ALMS1: variants seen among roughly 807,000 people sequenced by gnomAD.
ALMS1 encodes the protein centrosome-associated protein ALMS1.
ALMS1 carries 271 observed loss-of-function variants against 352.2 expected under a neutral mutation model. The observed-to-expected ratio is 0.77, with a 90% CI of 0.70 to 0.85. The LOEUF is 0.85. Ranked by LOEUF, ALMS1 falls within the 40% of genes least tolerant of loss-of-function variation. The pLI is 0.00. For synonymous variants in ALMS1, 1,865 were observed against 1,761.2 expected (o/e 1.06, Z -1.48); for missense variants, 5,445 against 4,870.7 (o/e 1.12, Z -3.51).
chr2:73,471,224 CTT>C (rs60728783), intron 9 of ALMS1, among the ~76,000 whole-genome samples: 7 of 141,972 alleles, frequency 4.9e-5, no homozygotes, highest in African/African-American at 1.5e-4. Flanking sequence ...TTGATCCTTC[CTT>C]TTTTTTTTTT....
intron 13 of ALMS1, among the ~76,000 whole-genome samples, chr2:73,556,331 T>A (rs1037420673): frequency 1.3e-5 from 2 of 152,148 alleles, no homozygotes; most frequent in Non-Finnish European, 2.9e-5. Context: ...TTTTTAGCAA[T>A]CTCTATTGCC....
intron 20 of ALMS1, among the ~76,000 whole-genome samples, chr2:73,602,674 G>C (rs919120280): frequency 7.9e-5 from 12 of 152,154 alleles, no homozygotes; most frequent in African/African-American, 2.9e-4. Context: ...GCTGATTCCA[G>C]GCTTGCCTAC....
chr2:73,447,978 G>C lies in ALMS1; in HGVS notation c.1451G>C (p.Gly484Ala), dbSNP rs374663067. The C allele has an allele frequency of 3.1e-6, 5 of 1,611,926 alleles. No individual in the cohort carries two copies. In the South Asian group the frequency reaches 5.5e-5, roughly 18 times the overall value. The part of the protein sequence containing the change: ...HLKAGDTSKG[G>A]IAKVTQSNLK... Reference sequence around the variant, plus strand: ...TCTTTAGGAGACACTTCTAAAGGAGGCATAGCTAAAGTTACTCAATCCAAC... The same window carrying C: ...TCTTTAGGAGACACTTCTAAAGGAGCCATAGCTAAAGTTACTCAATCCAAC... Residue 484 changes from glycine to alanine, a missense_variant, in exon 8 of 23, where the codon GGC becomes GCC. Gly to Ala is a moderately conservative substitution (Grantham distance 60, BLOSUM62 0). Transcript: ENST00000613296.
chr2:73,485,248 T>A (rs1672807167), intron 9 of ALMS1, among the ~76,000 whole-genome samples: 1 of 152,094 alleles, frequency 6.6e-6, no homozygotes, highest in African/African-American at 2.4e-5. Context: ...TACAGATGGG[T>A]TTTTGGTGTG....
rs549155177 is a variant in ALMS1 at position 73,502,305 on chromosome 2, G to T, written c.9539+10807G>T. On this transcript the variant is annotated intron_variant, in intron 10 of 22. Transcript: ENST00000613296. ...AAGAGTTTCTTCTTTAAATTTACTG[G>T]GATCCTCAGGTATAAAGTCTATTCT... Among the ~76,000 whole-genome samples the T allele has an allele frequency of 5.3e-5, 8 of 152,020 alleles. No homozygotes were observed. The South Asian group carries it at 1.7e-3, about 32-fold the overall frequency.
chr2:73,502,156 T>G (rs1452606158), intron 10 of ALMS1, among the ~76,000 whole-genome samples: 1 of 152,284 alleles, frequency 6.6e-6, no homozygotes, highest in East Asian at 1.9e-4. Flanking sequence ...AGAGCTTTCA[T>G]GCCTACTGTG....
chr2:73,582,179 G>C (rs1265733760), intron 16 of ALMS1, among the ~76,000 whole-genome samples: 1 of 152,102 alleles, frequency 6.6e-6, no homozygotes, highest in Non-Finnish European at 1.5e-5. Context: ...AGTAACATCT[G>C]AATTTAACTT....
rs1036604938 is a variant in ALMS1 at position 73,601,519 on chromosome 2, T to C, written c.12114+83T>C. 1.2e-4 allele frequency: 188 copies of C among 1,559,238 alleles called. 1 individual carries two copies. Among genetic ancestry groups the C allele is most frequent in the Admixed American group, 9.9e-4 (52 of 52,600 alleles). Reference sequence around the variant, plus strand: ...CAGAGAAGCTGGCTCTGTGACTTGGTGAGCTGAGGTGTAGGCCTGAGACGC... The same window carrying C: ...CAGAGAAGCTGGCTCTGTGACTTGGCGAGCTGAGGTGTAGGCCTGAGACGC... On this transcript the variant is annotated intron_variant, in intron 19 of 22. Transcript: ENST00000613296.
chr2:73,563,647 TG>T (rs1296563842), intron 15 of ALMS1, among the ~76,000 whole-genome samples: 2 of 140,994 alleles, frequency 1.4e-5, no homozygotes, highest in African/African-American at 5.5e-5. Context: ...GGCATGAACC[TG>T]GGCGGCAGAG....
At chr2:73,596,999 T>G (rs1280416182) in intron 16 of ALMS1, among the ~76,000 whole-genome samples, 1 of 150,908 alleles carries the variant, frequency 6.6e-6, no homozygotes, top group Non-Finnish European at 1.5e-5. Context: ...TTGTGTAGAA[T>G]CAACAGATTA....
chr2:73,492,097 C>T (rs1170227267), intron 10 of ALMS1, among the ~76,000 whole-genome samples: 1 of 152,124 alleles, frequency 6.6e-6, no homozygotes, highest in South Asian at 2.1e-4. Context: ...AAAGGAAACC[C>T]AATTCAGGGA....
intron 8 of ALMS1, 87 bp downstream of exon 8, chr2:73,454,154 A>G: frequency 6.6e-7 from 1 of 1,526,676 alleles, no homozygotes; most frequent in South Asian, 1.3e-5. Flanking sequence ...AGCTTAGCCA[A>G]TGAAAAATAC....
intron 16 of ALMS1, among the ~76,000 whole-genome samples, chr2:73,586,225 T>C (rs1346533301): frequency 6.6e-6 from 1 of 152,202 alleles, no homozygotes; most frequent in Non-Finnish European, 1.5e-5. Context: ...TTGTGGGTTG[T>C]TTGCTGATTA....
Position 73,485,617 on chromosome 2 carries a change from A to C in ALMS1, c.7675-4017A>C, listed in dbSNP as rs923660313. Reference sequence around the variant, plus strand: ...TGGGCTCCACCCAGTTCGAGCTTCCAGGCTGCTTTGTTTACCTAAGCAAGC... The same window carrying C: ...TGGGCTCCACCCAGTTCGAGCTTCCCGGCTGCTTTGTTTACCTAAGCAAGC... On this transcript the variant is annotated intron_variant, in intron 9 of 22. Coordinates refer to ENST00000613296, the MANE Select transcript of ALMS1 (RefSeq NM_001378454.1). Among the ~76,000 whole-genome samples, 43 of 152,252 alleles carry C rather than the reference A, an allele frequency of 2.8e-4. No homozygotes were observed. The East Asian group carries it at 3.7e-3, about 13-fold the overall frequency.
chr2:73,491,525 G>T, intron 10 of ALMS1, 27 bp downstream of exon 10: 1 of 1,610,054 alleles, frequency 6.2e-7, no homozygotes, highest in South Asian at 1.1e-5. Flanking sequence ...TAACAAGCAA[G>T]CTGGATGGAC....
In ALMS1 at chr2:73,573,081, C is replaced by T. The variant is rs367877017; in HGVS notation, c.11204C>T (p.Ser3735Leu). 37 of 1,613,914 alleles carry T rather than the reference C, an allele frequency of 2.3e-5. No homozygotes were observed. Among genetic ancestry groups the T allele is most frequent in the Non-Finnish European group, 3.0e-5 (35 of 1,180,000 alleles). The change falls in exon 16 of 23, where the codon TCG (serine) becomes TTG (leucine). Residue 3735 changes from serine (S) to leucine (L), a missense_variant. By Grantham distance (145) the Ser-to-Leu change is moderately radical. Coordinates refer to ENST00000613296, the MANE Select transcript of ALMS1 (RefSeq NM_001378454.1). Reference protein sequence around the residue: ...PGFNYISNTSSDCRPSEESEL... With the variant: ...PGFNYISNTSLDCRPSEESEL... ...TTTAATTATATAAGCAACACTTCTT[C>T]GGATTGTCGGCCCTCAGAGGAGAGT...
At chr2:73,606,420 A>G (rs543740288) in intron 21 of ALMS1, among the ~76,000 whole-genome samples, 2 of 152,312 alleles carry the variant, frequency 1.3e-5, no homozygotes, top group African/African-American at 4.8e-5. Flanking sequence ...GCAGCTACTA[A>G]TACTCTCACC....
intron 22 of ALMS1, 118 bp from the exon 23 acceptor site, chr2:73,609,450 C>A: frequency 2.1e-6 from 2 of 971,034 alleles, no homozygotes; most frequent in Non-Finnish European, 1.7e-6. Context: ...GTAAAATGAA[C>A]AAGATTTGAA....
At position 73,474,730 on chromosome 2, in the gene ALMS1, T is replaced by A. The variant is rs373797007; in HGVS notation, c.7675-14904T>A. ...AGAAGAGATAATTTTAATTGTGAAA[T>A]AGCATCTGGAAATCAGTAAAAGACA... On this transcript the variant is annotated intron_variant, in intron 9 of 22. Coordinates refer to ENST00000613296, the MANE Select transcript of ALMS1 (RefSeq NM_001378454.1). Among the ~76,000 whole-genome samples, 15 of 152,220 alleles carry A rather than the reference T, an allele frequency of 9.9e-5. No individual in the cohort carries two copies. The South Asian group carries it at 2.7e-3, about 27-fold the overall frequency.
Sources: allele counts gnomAD v4.1 joint callset (sites outside exome capture counted in the v4.1 genomes callset), GRCh38; gene constraint gnomAD v4.1.1; transcripts MANE v1.5; gene names NCBI Gene and HGNC (gene_info 2026-07-23, HGNC 2026-07-21).